Variants in USP12 observed in about 807,000 individuals in gnomAD.
The protein encoded by USP12 is ubiquitin carboxyl-terminal hydrolase 12.
A neutral mutation model predicts 45.5 loss-of-function variants in USP12; 19 were observed. That is an observed-to-expected ratio of 0.42 (90% CI 0.29 to 0.61). The LOEUF is 0.61. Among genes scored for constraint, USP12 ranks in the 20% least tolerant of loss-of-function variants. The pLI is 0.22. For synonymous variants in USP12, 149 were observed against 148.8 expected, an observed-to-expected ratio of 1.00 and a Z score of -0.01; for missense variants, 242 against 447.7, an observed-to-expected ratio of 0.54 and a Z score of 4.15.
intron 1 of USP12, among the ~76,000 whole-genome samples, chr13:27,121,223 G>A (rs1212310539): frequency 1.3e-5 from 2 of 151,742 alleles, no homozygotes; most frequent in Non-Finnish European, 1.5e-5. Flanking sequence ...AGGGAGAAAG[G>A]AGAAACATCT....
At chr13:27,111,010 A>G (rs1875415103) in intron 2 of USP12, among the ~76,000 whole-genome samples, 1 of 152,172 alleles carries the variant, frequency 6.6e-6, no homozygotes, top group South Asian at 2.1e-4. Context: ...AAAAAACTAG[A>G]GGGAGTCTCT....
Position 27,171,693 on chromosome 13 carries a change from AG to A in USP12, c.-55del. The A allele has an allele frequency of 9.1e-7, 1 of 1,101,040 alleles. No homozygotes were observed. Among genetic ancestry groups the A allele is most frequent in the Non-Finnish European group, 1.2e-6 (1 of 855,466 alleles). 68.2% of individuals were successfully genotyped at this position (1,101,040 alleles called of 1,614,324 possible). A position where few individuals can be genotyped will look rare whatever the true frequency, so the allele number is the denominator to read the frequency against. ...CAGCGGCGGCGGCGGGCGGGGGAGG[AG>A]GGGAGCCGGGCCGCCCGCTCGCACC... On this transcript the variant is annotated 5_prime_UTR_variant, in exon 1 of 9. Transcript: ENST00000282344.
In USP12 at chr13:27,119,929, T is replaced by C. The variant is rs562120641; in HGVS notation, c.49-3333A>G. 5.9e-5 allele frequency among the ~76,000 whole-genome samples: 9 copies of C among 152,362 alleles called. No individual in the cohort carries two copies. In the East Asian group the frequency reaches 1.7e-3, roughly 29 times the overall value. The stretch of plus-strand genomic sequence containing the variant: ...AGGAGAAGCATGCTTATTGCATGCA[T>C]TCAAGGTTTTCCTTAACAGAAATGA... On this transcript the variant is annotated intron_variant, in intron 1 of 8. Transcript: ENST00000282344.
intron 1 of USP12, among the ~76,000 whole-genome samples, chr13:27,123,884 T>C (rs986901781): frequency 1.6e-4 from 24 of 152,342 alleles, no homozygotes; most frequent in African/African-American, 5.5e-4. Flanking sequence ...CTCCTTTAAC[T>C]TACCTAGTAT....
chr13:27,089,362 A>G (rs1358659560), intron 6 of USP12: 2 of 152,890 alleles, frequency 1.3e-5, no homozygotes, highest in Non-Finnish European at 2.9e-5. Flanking sequence ...GGTTTAGGGT[A>G]AAAAAGCTTT....
At chr13:27,163,780 A>AAAAG (rs1555240045) in intron 1 of USP12, among the ~76,000 whole-genome samples, 43 of 138,588 alleles carry the variant, frequency 3.1e-4, no homozygotes, top group Non-Finnish European at 6.1e-4. Context: ...AAAAAAAAAA[A>AAAAG]AAAAAGAAAA....
rs1343835143 is a variant in USP12 at position 27,086,185 on chromosome 13, A to ATATATAT, written c.734+3697_734+3698insATATATA. Among the ~76,000 whole-genome samples, 239 of 58,766 alleles carry ATATATAT rather than the reference A, an allele frequency of 4.1e-3. 2 individuals carry two copies. Among genetic ancestry groups the ATATATAT allele is most frequent in the Middle Eastern group, 0.04 (5 of 124 alleles). 38.6% of individuals were successfully genotyped at this position (58,766 alleles called of 152,430 possible). A position where few individuals can be genotyped will look rare whatever the true frequency, so the allele number is the denominator to read the frequency against. On this transcript the variant is annotated intron_variant, in intron 6 of 8. Transcript: ENST00000282344. ...ATCTTTTGTCTCTTTAAAAAAAAAA[A>ATATATAT]AAAAAAAAAAAAATATATATATATA...
chr13:27,091,155 T>C (rs1047935345), intron 4 of USP12, among the ~76,000 whole-genome samples: 8 of 151,100 alleles, frequency 5.3e-5, no homozygotes, highest in Non-Finnish European at 1.0e-4. Flanking sequence ...CACAGACAAC[T>C]CAGAGAGAAA....
At chr13:27,158,480 TG>T (rs1190550660) in intron 1 of USP12, among the ~76,000 whole-genome samples, 5 of 152,186 alleles carry the variant, frequency 3.3e-5, no homozygotes. Context: ...AATTTCATCA[TG>T]GTGCGTATGT....
chr13:27,158,332 A>T (rs1394225676), intron 1 of USP12, among the ~76,000 whole-genome samples: 1 of 152,200 alleles, frequency 6.6e-6, no homozygotes, highest in Non-Finnish European at 1.5e-5. Flanking sequence ...GTCTCCTCAT[A>T]GCCCTCAGAG....
chr13:27,161,664 A>C (rs1312462515), intron 1 of USP12, among the ~76,000 whole-genome samples: 1 of 152,148 alleles, frequency 6.6e-6, no homozygotes, highest in Non-Finnish European at 1.5e-5. Flanking sequence ...ACATCACTTG[A>C]GTTTGAGACC....
intron 3 of USP12, among the ~76,000 whole-genome samples, chr13:27,100,150 AAAGT>A (rs1874801094): frequency 6.6e-6 from 1 of 152,182 alleles, no homozygotes; most frequent in Admixed American, 6.5e-5. Context: ...ACCAATTGGA[AAAGT>A]CTAGACCACA....
chr13:27,162,507 T>TA (rs1878156526), intron 1 of USP12, among the ~76,000 whole-genome samples: 1 of 152,182 alleles, frequency 6.6e-6, no homozygotes, highest in South Asian at 2.1e-4. Context: ...TAATACTACC[T>TA]AACCTTTCCT....
chr13:27,082,110 T>A (rs796723630), intron 6 of USP12, among the ~76,000 whole-genome samples: 12 of 152,368 alleles, frequency 7.9e-5, no homozygotes, highest in African/African-American at 2.9e-4. Flanking sequence ...CCTTTGAAGC[T>A]GGGCGCTCAC....
intron 6 of USP12, among the ~76,000 whole-genome samples, chr13:27,078,214 T>C (rs1873581728): frequency 6.6e-6 from 1 of 151,798 alleles, no homozygotes; most frequent in African/African-American, 2.4e-5. Flanking sequence ...AAAAAATAAA[T>C]AAGTAAAAAA....
chr13:27,116,172 C>T (rs1341136121), intron 2 of USP12, among the ~76,000 whole-genome samples: 2 of 151,890 alleles, frequency 1.3e-5, no homozygotes, highest in Non-Finnish European at 2.9e-5. Context: ...ATTAGTCAGG[C>T]ATGGTGGCAG....
chr13:27,170,586 T>C (rs1455137071), intron 1 of USP12, among the ~76,000 whole-genome samples: 2 of 152,380 alleles, frequency 1.3e-5, no homozygotes, highest in African/African-American at 4.8e-5. Context: ...ACTGTGGTCC[T>C]TCTGGCCACG....
chr13:27,078,000 TA>T (rs1205765046), intron 6 of USP12: 1 of 151,664 alleles, frequency 6.6e-6, no homozygotes, highest in African/African-American at 2.4e-5. Flanking sequence ...TTTTTCCTTT[TA>T]AGTTTGAATA....
In USP12 at chr13:27,171,634, T is replaced by C. The variant is rs1241622678; in HGVS notation, c.6A>G (p.Glu2=). The C allele has an allele frequency of 3.1e-6, 4 of 1,302,778 alleles. No individual in the cohort carries two copies. Among genetic ancestry groups the C allele is most frequent in the Non-Finnish European group, 4.0e-6 (4 of 994,308 alleles). The allele number at this position is 1,302,778 out of a possible 1,614,324, so 80.7% of individuals were successfully genotyped here. A position where few individuals can be genotyped will look rare whatever the true frequency, so the allele number is the denominator to read the frequency against. Residue 2 remains glutamate (E), a synonymous_variant, in exon 1 of 9, where the codon GAA becomes GAG. Coordinates refer to ENST00000282344, the MANE Select transcript of USP12 (RefSeq NM_182488.4). ...CGAATTTGGAGACTGTCATTAGGAT[T>C]TCCATCCGGCCAGCGCCATCTTCCA... M[E]ILMTVSKFAS... is the part of the protein sequence containing the mutation.
Sources: allele counts gnomAD v4.1 joint callset (sites outside exome capture counted in the v4.1 genomes callset), GRCh38; gene constraint gnomAD v4.1.1; transcripts MANE v1.5; gene names NCBI Gene and HGNC (gene_info 2026-07-23, HGNC 2026-07-21).